Variants in CCDC171 observed in about 807,000 individuals in gnomAD.
CCDC171 encodes the protein coiled-coil domain containing 171, also known as coiled-coil domain-containing protein 171.
A neutral mutation model predicts 168.2 loss-of-function variants in CCDC171; 177 were observed. The observed-to-expected ratio is 1.05, with a 90% confidence interval of 0.93 to 1.19. CCDC171 has a LOEUF of 1.19. Ranked by LOEUF, CCDC171 falls within the 50% of genes most tolerant of loss-of-function variation. CCDC171 has a pLI of 0.00. For missense variants in CCDC171, 1,991 were observed against 1,539.0 expected (o/e 1.29, Z -4.91); for synonymous variants, 687 against 540.8 (o/e 1.27, Z -3.75).
At chr9:15,902,673 T>C (rs1169482) in intron 24 of CCDC171, among the ~76,000 whole-genome samples, 130,381 of 152,142 alleles carry the variant, frequency 0.86, 55,937 homozygotes, top group East Asian at 0.96. Flanking sequence ...TGGCGAGTGT[T>C]GGAAAGTGGG....
intron 24 of CCDC171, chr9:15,875,038 A>C (rs1472491870): frequency 6.5e-6 from 1 of 153,290 alleles, no homozygotes; most frequent in Non-Finnish European, 1.5e-5. Context: ...TTTAGAAAAA[A>C]AATAAAATAA....
intron 10 of CCDC171, among the ~76,000 whole-genome samples, chr9:15,686,708 G>A (rs2050420389): frequency 6.6e-6 from 1 of 152,010 alleles, no homozygotes; most frequent in Non-Finnish European, 1.5e-5. Context: ...CCACCAGAAC[G>A]ATCTAACATT....
At chr9:15,783,650 C>T (rs1226371508) in intron 20 of CCDC171, among the ~76,000 whole-genome samples, 2 of 152,060 alleles carry the variant, frequency 1.3e-5, no homozygotes, top group African/African-American at 4.8e-5. Context: ...ATCTAGATTT[C>T]ATTTGTTTAA....
chr9:15,623,470 C>CGCGCGCGCGT, intron 7 of CCDC171, 57 bp downstream of exon 7: 2 of 753,628 alleles, frequency 2.7e-6, no homozygotes, highest in Non-Finnish European at 4.1e-6. Context: ...CATATGCGCG[C>CGCGCGCGCGT]GCGCGCACAC....
At chr9:15,812,349 C>T (rs1158682852) in intron 21 of CCDC171, among the ~76,000 whole-genome samples, 3 of 152,056 alleles carry the variant, frequency 2.0e-5, no homozygotes, top group African/African-American at 7.2e-5. Context: ...AAACTGGTAG[C>T]GAGGGTAATC....
Position 15,973,434 on chromosome 9 carries a change from A to G in CCDC171, c.*1598A>G, listed in dbSNP as rs1398660148. 6.6e-6 allele frequency: 1 copy of G among 152,166 alleles called. No individual in the cohort carries two copies. The highest frequency in any genetic ancestry group is 2.4e-5 in the African/African-American group (1 of 41,442). The allele number at this position is 152,166 out of a possible 1,614,324, so 9.4% of individuals were successfully genotyped here. ...TATTTATTAGTAGCCAAATTAGCCA[A>G]GTGATTTATGCCATCTGAGGGAACA... On this transcript the variant is annotated 3_prime_UTR_variant, in exon 26 of 26. Coordinates refer to ENST00000380701, the MANE Select transcript of CCDC171 (RefSeq NM_173550.4).
chr9:16,072,692 G>A, the CCDC171 span, among the ~76,000 whole-genome samples: 11 of 151,828 alleles, frequency 7.2e-5, no homozygotes, highest in African/African-American at 2.7e-4. Flanking sequence ...CTGGAGCGCC[G>A]CCAAAGCACA....
intron 6 of CCDC171, among the ~76,000 whole-genome samples, chr9:16,024,388 G>T (rs1359951): frequency 0.53 from 81,250 of 151,932 alleles, 22,570 homozygotes; most frequent in East Asian, 0.66. Flanking sequence ...TAATTTAGAA[G>T]GAGCCAACTC....
At chr9:15,637,428 A>C (rs1401647331) in intron 7 of CCDC171, among the ~76,000 whole-genome samples, 1 of 151,794 alleles carries the variant, frequency 6.6e-6, no homozygotes, top group Non-Finnish European at 1.5e-5. Context: ...ATTATTATAG[A>C]CTGGTTTTAT....
intron 23 of CCDC171, among the ~76,000 whole-genome samples, chr9:15,852,765 G>A (rs2061186161): frequency 1.4e-5 from 1 of 72,310 alleles, no homozygotes; most frequent in African/African-American, 5.3e-5. Context: ...ATTCTATCAT[G>A]TAAAGGCCCA....
At chr9:16,013,332 C>G (rs974938893) in intron 3 of CCDC171, among the ~76,000 whole-genome samples, 1 of 152,190 alleles carries the variant, frequency 6.6e-6, no homozygotes, top group Non-Finnish European at 1.5e-5. Flanking sequence ...CTTTCTGCCT[C>G]TCATCTCTCT....
At chr9:15,785,255 C>A (rs2057881680) in intron 21 of CCDC171, among the ~76,000 whole-genome samples, 1 of 152,002 alleles carries the variant, frequency 6.6e-6, no homozygotes, top group Non-Finnish European at 1.5e-5. Flanking sequence ...TAAATGTTGC[C>A]TACAAAGTAT....
intron 21 of CCDC171, among the ~76,000 whole-genome samples, chr9:15,822,439 C>G (rs1364117278): frequency 6.6e-6 from 1 of 151,744 alleles, no homozygotes; most frequent in African/African-American, 2.4e-5. Flanking sequence ...ACTCATCTGA[C>G]AAAGGGCTAA....
intron 21 of CCDC171, among the ~76,000 whole-genome samples, chr9:15,797,211 TTTGA>T (rs1165292422): frequency 4.6e-5 from 7 of 152,148 alleles, no homozygotes; most frequent in Admixed American, 2.0e-4. Flanking sequence ...CCATGTGATA[TTTGA>T]TTGATTGACT....
At chr9:15,833,143 A>G (rs1375372790) in intron 21 of CCDC171, among the ~76,000 whole-genome samples, 1 of 151,990 alleles carries the variant, frequency 6.6e-6, no homozygotes. Context: ...ACACACCATC[A>G]TGTCTGGCTA....
Position 15,971,638 on chromosome 9 carries a change from C to T in CCDC171, c.3783C>T (p.Ser1261=). ...SIGSRDHSNL[S]IPSRAPLPAD... is the part of the protein sequence containing the mutation. ...GATCACGAGACCATTCAAATCTCTC[C>T]ATTCCTTCAAGAGCTCCTCTTCCTG... is the stretch of plus-strand genomic sequence containing the variant. Residue 1261 remains serine (S), a synonymous_variant, in exon 26 of 26, where the codon TCC becomes TCT. Coordinates refer to ENST00000380701, the MANE Select transcript of CCDC171 (RefSeq NM_173550.4). 1 of 1,613,416 alleles carries T rather than the reference C, an allele frequency of 6.2e-7. No individual in the cohort carries two copies. Among genetic ancestry groups the T allele is most frequent in the South Asian group, 1.1e-5 (1 of 91,064 alleles).
intron 18 of CCDC171, among the ~76,000 whole-genome samples, chr9:15,765,816 A>G (rs1036453554): frequency 2.0e-5 from 3 of 152,198 alleles, no homozygotes; most frequent in African/African-American, 7.2e-5. Context: ...TTGAAAGTAT[A>G]TGCAAGAGTA....
At chr9:15,695,069 C>T (rs1239967054) in intron 10 of CCDC171, among the ~76,000 whole-genome samples, 166 bp from the exon 11 acceptor site, 1 of 152,138 alleles carries the variant, frequency 6.6e-6, no homozygotes, top group Non-Finnish European at 1.5e-5. Flanking sequence ...TACAGTGTTA[C>T]ATTAAGCCAA....
chr9:15,996,973 C>G (rs1016849497), intron 3 of CCDC171, among the ~76,000 whole-genome samples: 1 of 152,184 alleles, frequency 6.6e-6, no homozygotes, highest in African/African-American at 2.4e-5. Context: ...TCATTGTGTC[C>G]TGGACCTCAT....
Sources: gnomAD v4.1 joint callset for allele counts (sites outside exome capture counted in the v4.1 genomes callset) on GRCh38, gnomAD v4.1.1 for gene constraint, MANE v1.5 for transcripts, NCBI Gene and HGNC (gene_info 2026-07-23, HGNC 2026-07-21) for gene names.